The following VPS37C variants were observed in gnomAD, a reference collection of about 807,000 sequenced individuals.
The protein encoded by VPS37C is VPS37C subunit of ESCRT-I.
Under a neutral mutation model 16.1 loss-of-function variants are expected in VPS37C, and 9 were observed. The ratio of observed to expected loss-of-function variants is 0.56; its 90% confidence interval spans 0.34 to 0.97. The LOEUF is 0.97. Among genes scored for constraint, VPS37C ranks in the 50% least tolerant of loss-of-function variants. The pLI, the probability that VPS37C is intolerant of heterozygous loss-of-function variation, is 0.02. For synonymous variants in VPS37C, 207 were observed against 206.4 expected (o/e 1.00, Z -0.02); for missense variants, 479 against 472.7 (o/e 1.01, Z -0.12).
intron 2 of VPS37C, among the ~76,000 whole-genome samples, chr11:61,135,815 G>A (rs1861360389): frequency 6.6e-6 from 1 of 152,132 alleles, no homozygotes; most frequent in Non-Finnish European, 1.5e-5. Flanking sequence ...CCCTTGCAGG[G>A]CCCCATGGAT....
At chr11:61,156,128 C>T (rs1053563707) in intron 1 of VPS37C, among the ~76,000 whole-genome samples, 4 of 151,996 alleles carry the variant, frequency 2.6e-5, no homozygotes, top group South Asian at 2.1e-4. Flanking sequence ...AAAAATTATT[C>T]GATCCCAAAG....
At chr11:61,159,826 CA>C (rs1317398851) in intron 1 of VPS37C, among the ~76,000 whole-genome samples, 1 of 136,600 alleles carries the variant, frequency 7.3e-6, no homozygotes, top group African/African-American at 2.8e-5. Context: ...TCGCTTGAAC[CA>C]GGGGGCGGAG....
intron 1 of VPS37C, among the ~76,000 whole-genome samples, chr11:61,146,083 C>G (rs1388295122): frequency 2.6e-5 from 4 of 152,218 alleles, no homozygotes; most frequent in Admixed American, 2.6e-4. Flanking sequence ...CTCACAATAA[C>G]GTTTGCCCAA....
At position 61,131,051 on chromosome 11, in the gene VPS37C, A is replaced by G. The variant is rs562908264; in HGVS notation, c.*769T>C. 1.0e-5 allele frequency: 3 copies of G among 291,406 alleles called. No individual in the cohort carries two copies. The highest frequency in any genetic ancestry group is 2.4e-3 in the Middle Eastern group (2 of 850). 18.1% of individuals were successfully genotyped at this position (291,406 alleles called of 1,614,324 possible). On this transcript the variant is annotated 3_prime_UTR_variant, in exon 5 of 5. Coordinates refer to ENST00000301765, the MANE Select transcript of VPS37C (RefSeq NM_017966.5). ...GCCCTCCAATCCTAAACAAGCCCCA[A>G]TGTGACCACAATCTCCAGGGCTAGA...
intron 1 of VPS37C, chr11:61,144,908 C>CA (rs2134643255): frequency 6.6e-6 from 1 of 152,374 alleles, no homozygotes; most frequent in East Asian, 1.9e-4. Flanking sequence ...ATGTGCCAGA[C>CA]AAACATGTCC....
At chr11:61,143,395 T>G in intron 1 of VPS37C, 1 of 72,094 alleles carries the variant, frequency 1.4e-5, no homozygotes, top group African/African-American at 7.0e-5. Flanking sequence ...TTTTTTTTTT[T>G]TAGATGGAGT....
chr11:61,140,143 C>T (rs1861450102), intron 1 of VPS37C, among the ~76,000 whole-genome samples: 1 of 152,318 alleles, frequency 6.6e-6, no homozygotes, highest in Non-Finnish European at 1.5e-5. Context: ...CCCACCTGCA[C>T]CAGCACTCAG....
Position 61,130,378 on chromosome 11 carries a change from G to C in VPS37C, c.*1442C>G, listed in dbSNP as rs1303080453. 6.3e-6 allele frequency: 1 copy of C among 158,968 alleles called. No individual in the cohort carries two copies. The highest frequency in any genetic ancestry group is 2.4e-5 in the African/African-American group (1 of 41,500). The allele number at this position is 158,968 out of a possible 1,614,324, so 9.8% of individuals were successfully genotyped here. On this transcript the variant is annotated 3_prime_UTR_variant, in exon 5 of 5. Coordinates refer to ENST00000301765, the MANE Select transcript of VPS37C (RefSeq NM_017966.5). ...GTGATTTCTCTTTATAAATAACTTAGGAGAAGCAAGCACATTTGGTAAAGA... is the reference window on the plus strand; with the variant it reads ...GTGATTTCTCTTTATAAATAACTTACGAGAAGCAAGCACATTTGGTAAAGA...
chr11:61,133,037 T>C, intron 4 of VPS37C: 2 of 672,342 alleles, frequency 3.0e-6, no homozygotes, highest in South Asian at 3.1e-5. Flanking sequence ...GAGCTGCCCT[T>C]GTCCACTGTC....
chr11:61,151,657 C>T (rs1853300255), intron 1 of VPS37C, among the ~76,000 whole-genome samples: 1 of 152,194 alleles, frequency 6.6e-6, no homozygotes, highest in Non-Finnish European at 1.5e-5. Context: ...AGGGCAGACA[C>T]TCAGCCCATT....
At chr11:61,140,377 C>A (rs1161094279) in intron 1 of VPS37C, among the ~76,000 whole-genome samples, 1 of 148,484 alleles carries the variant, frequency 6.7e-6, no homozygotes, top group Non-Finnish European at 1.5e-5. Flanking sequence ...CCTCAGGGGA[C>A]CCTCCCCCCA....
In VPS37C at chr11:61,132,050, A is replaced by G. The variant is rs1299402186; in HGVS notation, c.838T>C (p.Ser280Pro). ...CCCCGCAAGGGGTACCCAGGCCCAGAGGCACCCATTGGGGTCCCAGGATAG... is the reference window on the plus strand; with the variant it reads ...CCCCGCAAGGGGTACCCAGGCCCAGGGGCACCCATTGGGGTCCCAGGATAG... ...PGYPGTPMGA[S>P]GPGYPLRGGR... Residue 280 changes from serine (S) to proline (P), a missense_variant, in exon 5 of 5, where the codon TCT becomes CCT. Ser to Pro is a moderately conservative substitution (Grantham distance 74). Coordinates refer to ENST00000301765, the MANE Select transcript of VPS37C (RefSeq NM_017966.5). The G allele has an allele frequency of 1.4e-6, 2 of 1,390,116 alleles. No individual in the cohort carries two copies. Among genetic ancestry groups the G allele is most frequent in the East Asian group, 2.9e-5 (1 of 34,484 alleles). 86.1% of individuals were successfully genotyped at this position (1,390,116 alleles called of 1,614,324 possible). A position where few individuals can be genotyped will look rare whatever the true frequency, so the allele number is the denominator to read the frequency against.
At chr11:61,154,871 G>A (rs1016094866) in intron 1 of VPS37C, among the ~76,000 whole-genome samples, 1 of 152,120 alleles carries the variant, frequency 6.6e-6, no homozygotes, top group Non-Finnish European at 1.5e-5. Context: ...TTGGAAGGCC[G>A]AGGTGGGAGG....
intron 1 of VPS37C, among the ~76,000 whole-genome samples, chr11:61,153,077 G>C (rs945803210): frequency 6.6e-6 from 1 of 152,202 alleles, no homozygotes; most frequent in African/African-American, 2.4e-5. Context: ...CCAGCGCCTA[G>C]GTCAACACTG....
intron 1 of VPS37C, chr11:61,144,726 C>A (rs1853168823): frequency 6.6e-6 from 1 of 152,356 alleles, no homozygotes; most frequent in African/African-American, 2.4e-5. Flanking sequence ...AAGCTCTGGC[C>A]AGCTCGGCAG....
At position 61,130,262 on chromosome 11, in the gene VPS37C, C is replaced by T. The variant is rs1379030585; in HGVS notation, c.*1558G>A. 1.3e-5 allele frequency: 2 copies of T among 152,868 alleles called. No individual in the cohort carries two copies. The highest frequency in any genetic ancestry group is 2.9e-5 in the Non-Finnish European group (2 of 68,494). The allele number at this position is 152,868 out of a possible 1,614,324, so 9.5% of individuals were successfully genotyped here. On this transcript the variant is annotated 3_prime_UTR_variant, in exon 5 of 5. Transcript: ENST00000301765. ...CCCAGCAACACCACACCACATGTGACTCATCAAAGTTTATTATGGCAATTA... is the reference window on the plus strand; with the variant it reads ...CCCAGCAACACCACACCACATGTGATTCATCAAAGTTTATTATGGCAATTA...
At chr11:61,159,752 A>C (rs1164725484) in intron 1 of VPS37C, among the ~76,000 whole-genome samples, 1 of 150,714 alleles carries the variant, frequency 6.6e-6, no homozygotes, top group Non-Finnish European at 1.5e-5. Flanking sequence ...AAAATACAAA[A>C]ATTAGCCGGG....
intron 1 of VPS37C, among the ~76,000 whole-genome samples, chr11:61,154,985 T>C (rs1853356074): frequency 6.6e-6 from 1 of 151,726 alleles, no homozygotes; most frequent in East Asian, 1.9e-4. Flanking sequence ...ACACCTGTGG[T>C]CCCAACTACT....
intron 1 of VPS37C, among the ~76,000 whole-genome samples, chr11:61,139,267 A>C (rs1175632766): frequency 6.6e-6 from 1 of 151,770 alleles, no homozygotes; most frequent in Non-Finnish European, 1.5e-5. Flanking sequence ...AACCAGAAAT[A>C]CACCAAGCTC....
Sources: gnomAD v4.1 joint callset for allele counts (sites outside exome capture counted in the v4.1 genomes callset) on GRCh38, gnomAD v4.1.1 for gene constraint, MANE v1.5 for transcripts, NCBI Gene and HGNC (gene_info 2026-07-23, HGNC 2026-07-21) for gene names.